Variants in ADAMTSL1 observed in about 807,000 individuals in gnomAD.
ADAMTSL1 encodes the protein ADAMTS like 1, also known as ADAMTS-like protein 1.
In ADAMTSL1, 126 loss-of-function variants were observed where a neutral mutation model predicts 201.8. That is an observed-to-expected ratio of 0.62 (90% CI 0.54 to 0.72). The LOEUF (loss-of-function observed/expected upper bound fraction) is 0.72, where lower values mean the gene tolerates loss of function less well. Ranked by LOEUF, ADAMTSL1 falls within the 30% of genes least tolerant of loss-of-function variation. The probability of loss-of-function intolerance (pLI) is 0.00; values close to 1 mark genes in which losing one functional copy is unlikely to be tolerated. For missense variants in ADAMTSL1, 2,679 were observed against 2,277.8 expected, an observed-to-expected ratio of 1.18 and a Z score of -3.59; for synonymous variants, 1,121 against 903.4, an observed-to-expected ratio of 1.24 and a Z score of -4.32.
intron 15 of ADAMTSL1, chr9:18,723,306 A>G: frequency 3.5e-6 from 2 of 568,824 alleles, no homozygotes; most frequent in Admixed American, 3.0e-5. Context: ...ATTTGCCATT[A>G]TTTGAAAAAC....
At chr9:18,317,670 A>C (rs1029779449) in intron 2 of ADAMTSL1, among the ~76,000 whole-genome samples, 1 of 152,136 alleles carries the variant, frequency 6.6e-6, no homozygotes, top group East Asian at 1.9e-4. Flanking sequence ...TCACCAGACT[A>C]TTTACTTCAG....
chr9:18,355,376 A>T (rs1333243152), intron 2 of ADAMTSL1, among the ~76,000 whole-genome samples: 1 of 152,182 alleles, frequency 6.6e-6, no homozygotes, highest in Non-Finnish European at 1.5e-5. Context: ...TATATAAAGT[A>T]TGTGTATTTT....
At chr9:18,533,084 A>G (rs1259736614) in intron 2 of ADAMTSL1, among the ~76,000 whole-genome samples, 163 bp from the exon 3 acceptor site, 2 of 152,108 alleles carry the variant, frequency 1.3e-5, no homozygotes, top group Non-Finnish European at 2.9e-5. Flanking sequence ...TAACTTCTTT[A>G]AATCTGCTCA....
At chr9:18,639,519 C>G in intron 7 of ADAMTSL1, 108 bp downstream of exon 7, 1 of 1,304,222 alleles carries the variant, frequency 7.7e-7, no homozygotes, top group East Asian at 2.4e-5. Flanking sequence ...TTGGAAAGCC[C>G]GTTTGTTACC....
intron 23 of ADAMTSL1, among the ~76,000 whole-genome samples, chr9:18,875,317 T>C (rs1183023343): frequency 1.3e-5 from 2 of 152,164 alleles, no homozygotes; most frequent in Non-Finnish European, 2.9e-5. Context: ...TGTTCTTGTT[T>C]CTCAAATTCC....
intron 2 of ADAMTSL1, among the ~76,000 whole-genome samples, chr9:18,330,959 A>G (rs1166376139): frequency 1.3e-5 from 2 of 152,236 alleles, no homozygotes; most frequent in African/African-American, 4.8e-5. Context: ...ACGTAGCTGG[A>G]GGAAGAGAAG....
At chr9:18,742,141 T>C (rs574780105) in intron 15 of ADAMTSL1, among the ~76,000 whole-genome samples, 1 of 152,340 alleles carries the variant, frequency 6.6e-6, no homozygotes, top group African/African-American at 2.4e-5. Flanking sequence ...GACCTCATTT[T>C]AACTTAATTA....
chr9:18,000,449 G>C (rs1819566191), intron 1 of ADAMTSL1, among the ~76,000 whole-genome samples: 1 of 151,750 alleles, frequency 6.6e-6, no homozygotes, highest in Non-Finnish European at 1.5e-5. Flanking sequence ...TCTCTCCTAT[G>C]GACCCACAGT....
chr9:18,278,130 T>C (rs1190316492), intron 2 of ADAMTSL1, among the ~76,000 whole-genome samples: 1 of 152,184 alleles, frequency 6.6e-6, no homozygotes, highest in East Asian at 1.9e-4. Flanking sequence ...TAGGAAACTA[T>C]TTTATAGTTA....
intron 2 of ADAMTSL1, among the ~76,000 whole-genome samples, chr9:18,166,485 G>A (rs1827638206): frequency 6.6e-6 from 1 of 151,904 alleles, no homozygotes; most frequent in Admixed American, 6.6e-5. Flanking sequence ...AGTTTTTAAT[G>A]AGGTGATAAA....
At chr9:18,004,838 A>AAAAT (rs1336998621) in intron 1 of ADAMTSL1, among the ~76,000 whole-genome samples, 1 of 152,078 alleles carries the variant, frequency 6.6e-6, no homozygotes, top group Non-Finnish European at 1.5e-5. Flanking sequence ...CTGAAGGAGG[A>AAAAT]AAATTGAATC....
chr9:18,801,177 T>A (rs1822776591), intron 20 of ADAMTSL1, among the ~76,000 whole-genome samples: 1 of 152,154 alleles, frequency 6.6e-6, no homozygotes, highest in Non-Finnish European at 1.5e-5. Context: ...TAATTCCTTC[T>A]CATCTTTTAT....
At chr9:18,186,201 G>T (rs1828727042) in intron 2 of ADAMTSL1, among the ~76,000 whole-genome samples, 1 of 152,116 alleles carries the variant, frequency 6.6e-6, no homozygotes, top group Admixed American at 6.6e-5. Context: ...CCATAGGCTG[G>T]TTTTTCCTTA....
chr9:17,959,053 T>TTA, intron 1 of ADAMTSL1, among the ~76,000 whole-genome samples: 1 of 152,328 alleles, frequency 6.6e-6, no homozygotes, highest in Non-Finnish European at 1.5e-5. Context: ...TTTAATATAA[T>TTA]TACTACTGTA....
At chr9:18,142,753 A>C (rs984840117) in intron 1 of ADAMTSL1, among the ~76,000 whole-genome samples, 1 of 152,198 alleles carries the variant, frequency 6.6e-6, no homozygotes, top group African/African-American at 2.4e-5. Flanking sequence ...TTGCATCACA[A>C]AGCTATTGTC....
At chr9:18,619,608 G>T (rs899773078) in intron 4 of ADAMTSL1, among the ~76,000 whole-genome samples, 1 of 152,120 alleles carries the variant, frequency 6.6e-6, no homozygotes, top group Non-Finnish European at 1.5e-5. Flanking sequence ...CCGTTGCTTT[G>T]GATCTGTGAA....
Position 18,617,905 on chromosome 9 carries a change from G to T in ADAMTSL1, c.475-4338G>T, listed in dbSNP as rs1021348555. 4.6e-5 allele frequency among the ~76,000 whole-genome samples: 7 copies of T among 152,144 alleles called. No individual in the cohort carries two copies. In the East Asian group the frequency reaches 1.3e-3, roughly 29 times the overall value. On this transcript the variant is annotated intron_variant, in intron 4 of 28. Transcript: ENST00000380548. ...TGCATCCAGCTGACACCTCATAGTG[G>T]AGTACTAATAAACTGTATTAGACCA...
chr9:18,857,027 T>C (rs72692445), intron 23 of ADAMTSL1, among the ~76,000 whole-genome samples: 19,364 of 152,172 alleles, frequency 0.13, 1,379 homozygotes, highest in East Asian at 0.28. Context: ...AATCCTGAGG[T>C]CTCAGTGGAT....
chr9:18,454,019 G>A (rs138814431), intron 2 of ADAMTSL1, among the ~76,000 whole-genome samples: 3 of 152,320 alleles, frequency 2.0e-5, no homozygotes, highest in African/African-American at 7.2e-5. Context: ...TAGATAGACA[G>A]ATACAGATAT....
Sources: gnomAD v4.1 joint callset for allele counts (sites outside exome capture counted in the v4.1 genomes callset) on GRCh38, gnomAD v4.1.1 for gene constraint, MANE v1.5 for transcripts, NCBI Gene and HGNC (gene_info 2026-07-23, HGNC 2026-07-21) for gene names.